The following PDSS2 variants were observed in gnomAD, a reference collection of about 807,000 sequenced individuals.
The protein encoded by PDSS2 is decaprenyl diphosphate synthase subunit 2.
In PDSS2, 31 loss-of-function variants were observed where a neutral mutation model predicts 44.5. The observed-to-expected ratio is 0.70, with a 90% confidence interval of 0.52 to 0.94. The LOEUF (loss-of-function observed/expected upper bound fraction) is 0.94. Ranked by LOEUF, PDSS2 falls within the 40% of genes least tolerant of loss-of-function variation. The pLI is 0.00. For missense variants in PDSS2, 452 were observed against 482.2 expected (o/e 0.94, Z 0.59); for synonymous variants, 157 against 180.3 (o/e 0.87, Z 1.03).
intron 1 of PDSS2, among the ~76,000 whole-genome samples, chr6:107,348,780 C>A (rs1477295092): frequency 6.6e-6 from 1 of 152,166 alleles, no homozygotes; most frequent in Non-Finnish European, 1.5e-5. Flanking sequence ...GCCACTTTAT[C>A]CCAGAAAGGT....
At chr6:107,414,401 C>CTAGTA (rs1780597875) in intron 1 of PDSS2, among the ~76,000 whole-genome samples, 1 of 152,186 alleles carries the variant, frequency 6.6e-6, no homozygotes, top group Non-Finnish European at 1.5e-5. Flanking sequence ...TAGGAAGTAA[C>CTAGTA]AGCTAGAGAG....
At chr6:107,328,026 T>C (rs754779404) in intron 2 of PDSS2, among the ~76,000 whole-genome samples, 1 of 152,174 alleles carries the variant, frequency 6.6e-6, no homozygotes. Context: ...GTCATCCAGA[T>C]AGAGATTTAA....
At chr6:107,333,528 GTA>G (rs1777778015) in intron 2 of PDSS2, among the ~76,000 whole-genome samples, 1 of 151,912 alleles carries the variant, frequency 6.6e-6, no homozygotes, top group African/African-American at 2.4e-5. Context: ...ATACAATGAG[GTA>G]TTATTTTATC....
chr6:107,215,859 G>A (rs1035918602), intron 4 of PDSS2, among the ~76,000 whole-genome samples: 20 of 152,060 alleles, frequency 1.3e-4, no homozygotes, highest in Admixed American at 8.5e-4. Flanking sequence ...GAATAAGGTC[G>A]GGAACGGTGG....
chr6:107,294,578 G>C (rs560222384), intron 2 of PDSS2, among the ~76,000 whole-genome samples: 8 of 152,152 alleles, frequency 5.3e-5, no homozygotes, highest in Admixed American at 2.6e-4. Context: ...ATAGACAATA[G>C]GTGCCATTGG....
chr6:107,364,235 G>A (rs999257298), intron 1 of PDSS2, among the ~76,000 whole-genome samples: 4 of 152,336 alleles, frequency 2.6e-5, no homozygotes, highest in African/African-American at 9.6e-5. Flanking sequence ...GTCCTGCGCC[G>A]TGCGCTCGCA....
chr6:107,423,982 G>A (rs1780906966), intron 1 of PDSS2, among the ~76,000 whole-genome samples: 1 of 149,044 alleles, frequency 6.7e-6, no homozygotes, highest in Admixed American at 6.7e-5. Context: ...GTAGCACTTA[G>A]CTAAACACTT....
intron 1 of PDSS2, among the ~76,000 whole-genome samples, chr6:107,369,286 C>T (rs1420350378): frequency 6.6e-6 from 1 of 152,010 alleles, no homozygotes; most frequent in Non-Finnish European, 1.5e-5. Context: ...GGCATGGTGG[C>T]GTGCGCCTGT....
At chr6:107,378,172 A>T (rs1779347196) in intron 1 of PDSS2, among the ~76,000 whole-genome samples, 2 of 151,398 alleles carry the variant, frequency 1.3e-5, no homozygotes, top group Admixed American at 1.3e-4. Flanking sequence ...ATCATACTTA[A>T]TTGTGAAAAA....
intron 1 of PDSS2, among the ~76,000 whole-genome samples, chr6:107,341,659 G>T (rs1778083199): frequency 6.6e-6 from 1 of 152,156 alleles, no homozygotes; most frequent in South Asian, 2.1e-4. Context: ...GGCCTCCACA[G>T]ACATGGATAA....
At chr6:107,253,610 A>C (rs1490463007) in intron 3 of PDSS2, among the ~76,000 whole-genome samples, 3 of 152,246 alleles carry the variant, frequency 2.0e-5, no homozygotes, top group Non-Finnish European at 4.4e-5. Context: ...TTTTATCAAC[A>C]ATAAGTCCTA....
intron 1 of PDSS2, among the ~76,000 whole-genome samples, chr6:107,336,539 T>C (rs758415373): frequency 6.6e-6 from 1 of 152,110 alleles, no homozygotes; most frequent in Non-Finnish European, 1.5e-5. Flanking sequence ...AAACAAATAA[T>C]CATCAGAAAT....
intron 7 of PDSS2, among the ~76,000 whole-genome samples, chr6:107,181,718 C>T (rs991299709): frequency 5.3e-5 from 8 of 151,482 alleles, no homozygotes; most frequent in African/African-American, 1.5e-4. Flanking sequence ...GGTGAAACCC[C>T]ATCTCTACTA....
chr6:107,391,490 T>TG (rs34050847), intron 1 of PDSS2, among the ~76,000 whole-genome samples: 57,062 of 151,868 alleles, frequency 0.38, 13,209 homozygotes, highest in Middle Eastern at 0.64. Flanking sequence ...AAGCAGGGGA[T>TG]GGGGGGATTA....
intron 2 of PDSS2, among the ~76,000 whole-genome samples, chr6:107,323,792 C>A (rs765705823): frequency 2.0e-5 from 3 of 152,144 alleles, no homozygotes; most frequent in Non-Finnish European, 4.4e-5. Flanking sequence ...TGGCTACTTA[C>A]CAGTCAACAT....
chr6:107,258,331 T>A (rs1400231866), intron 3 of PDSS2, among the ~76,000 whole-genome samples: 1 of 152,150 alleles, frequency 6.6e-6, no homozygotes, highest in Non-Finnish European at 1.5e-5. Flanking sequence ...TGTCATGCCA[T>A]TTTCAGGATC....
intron 4 of PDSS2, among the ~76,000 whole-genome samples, chr6:107,244,675 T>A (rs1308974129): frequency 6.6e-6 from 1 of 152,250 alleles, no homozygotes; most frequent in African/African-American, 2.4e-5. Flanking sequence ...TTTAAATTTC[T>A]TATCCAAGTT....
chr6:107,207,445 C>T (rs755788591), intron 6 of PDSS2, among the ~76,000 whole-genome samples: 6 of 152,004 alleles, frequency 3.9e-5, no homozygotes, highest in Admixed American at 3.9e-4. Flanking sequence ...TAATAAGCAA[C>T]CTCCTTGAGA....
chr6:107,438,382 T>A (rs948567834), intron 1 of PDSS2, among the ~76,000 whole-genome samples: 2 of 152,006 alleles, frequency 1.3e-5, no homozygotes, highest in African/African-American at 2.4e-5. Context: ...TAATTTTAAT[T>A]TTTTTCTTTG....
Sources: gnomAD v4.1 joint callset for allele counts (sites outside exome capture counted in the v4.1 genomes callset) on GRCh38, gnomAD v4.1.1 for gene constraint, MANE v1.5 for transcripts, NCBI Gene and HGNC (gene_info 2026-07-23, HGNC 2026-07-21) for gene names.